Variants in FGFRL1 observed in about 807,000 individuals in gnomAD.
The protein encoded by FGFRL1 is fibroblast growth factor receptor-like 1.
FGFRL1 carries 24 observed loss-of-function variants against 36.8 expected under a neutral mutation model. The ratio of observed to expected loss-of-function variants is 0.65; its 90% CI spans 0.47 to 0.92. The LOEUF is 0.92. Ranked by LOEUF, FGFRL1 falls within the 40% of genes least tolerant of loss-of-function variation. The pLI, the probability that FGFRL1 is intolerant of heterozygous loss-of-function variation, is 0.00. For missense variants in FGFRL1, 785 were observed against 753.4 expected (o/e 1.04, Z -0.49); for synonymous variants, 422 against 344.1 (o/e 1.23, Z -2.50).
At chr4:1,018,917 G>A (rs1488050689) in intron 2 of FGFRL1, among the ~76,000 whole-genome samples, 1 of 152,168 alleles carries the variant, frequency 6.6e-6, no homozygotes, top group Admixed American at 6.5e-5. Flanking sequence ...GCCTGGCGAG[G>A]GGGAGGGAGG....
rs1716473390 is a variant in FGFRL1 at position 1,025,543 on chromosome 4, C to T, written c.*196C>T. The T allele has an allele frequency of 4.4e-6, 3 of 683,042 alleles. No individual in the cohort carries two copies. The highest frequency in any genetic ancestry group is 7.3e-6 in the Non-Finnish European group (3 of 412,060). The allele number at this position is 683,042 out of a possible 1,614,324, so 42.3% of individuals were successfully genotyped here. ...CACACTGCCTGGATGCATGTATGCACACACATGCGCGCACACGTGCTCCCT... is the reference window on the plus strand; with the variant it reads ...CACACTGCCTGGATGCATGTATGCATACACATGCGCGCACACGTGCTCCCT... On this transcript the variant is annotated 3_prime_UTR_variant, in exon 7 of 7. Coordinates refer to ENST00000510644, the MANE Select transcript of FGFRL1 (RefSeq NM_001004356.3).
At chr4:1,012,595 G>A in intron 2 of FGFRL1, 31 bp downstream of exon 2, 2 of 1,106,516 alleles carry the variant, frequency 1.8e-6, no homozygotes, top group Non-Finnish European at 2.5e-6. Context: ...CGGCCAGCCT[G>A]GCCTCCGCCA....
In FGFRL1 at chr4:1,023,534, G is replaced by T. The variant is rs1716310182; in HGVS notation, c.353-107G>T. ...GCGCAGCCCCCTGCCTGGGTGTCCAGGGCTGTCCCGGCTGGGGCTGGGGGA... is the reference window on the plus strand; with the variant it reads ...GCGCAGCCCCCTGCCTGGGTGTCCATGGCTGTCCCGGCTGGGGCTGGGGGA... On this transcript the variant is annotated intron_variant, in intron 3 of 6. Coordinates refer to ENST00000510644, the MANE Select transcript of FGFRL1 (RefSeq NM_001004356.3). This position sits in a 1 kb window ranked among gnomAD's most constrained non-coding sequence, Gnocchi z 6.0. The T allele has an allele frequency of 2.9e-6, 3 of 1,041,100 alleles. No homozygotes were observed. The Admixed American group carries it at 6.1e-5, about 21-fold the overall frequency. 64.5% of individuals were successfully genotyped at this position (1,041,100 alleles called of 1,614,324 possible).
upstream of FGFRL1, among the ~76,000 whole-genome samples, chr4:1,011,474 C>T (rs1489921513): frequency 2.3e-5 from 3 of 133,074 alleles, no homozygotes; most frequent in Admixed American, 7.4e-5. Flanking sequence ...GGGTTAAGGC[C>T]GGGAGCCCGG....
In FGFRL1 at chr4:1,022,406, G is replaced by A. The variant is rs1165301571; in HGVS notation, c.283G>A (p.Gly95Ser). The A allele has an allele frequency of 3.1e-6, 5 of 1,611,768 alleles. No individual in the cohort carries two copies. The highest frequency in any genetic ancestry group is 3.3e-5 in the Admixed American group (2 of 59,944). Residue 95 changes from glycine to serine, a missense_variant, in exon 3 of 7, where the codon GGC (glycine) becomes AGC (serine). Physicochemically the swap from Gly to Ser is moderately conservative, Grantham distance 56. Coordinates refer to ENST00000510644, the MANE Select transcript of FGFRL1 (RefSeq NM_001004356.3). ...KVKQVEREDA[G>S]VYVCKATNGF... ...GAAGCAGGTGGAGCGGGAGGATGCCGGCGTGTACGTGTGCAAGGCCACCAA... is the reference window on the plus strand; with the variant it reads ...GAAGCAGGTGGAGCGGGAGGATGCCAGCGTGTACGTGTGCAAGGCCACCAA...
rs4647931 is a variant in FGFRL1 at position 1,025,103 on chromosome 4, G to A, written c.1271G>A (p.Arg424His). Reference protein sequence around the residue: ...LPGHRPPGTARDRSGDKDLPS... With the variant: ...LPGHRPPGTAHDRSGDKDLPS... ...GGGCACCGCCCGCCGGGGACGGCCC[G>A]CGACCGCAGCGGAGACAAGGACCTT... The change falls in exon 7 of 7, where the codon CGC becomes CAC. Residue 424 changes from arginine (R) to histidine (H), a missense_variant. Physicochemically the swap from Arg to His is conservative, Grantham distance 29. Transcript: ENST00000510644. 4.0e-5 allele frequency: 64 copies of A among 1,610,596 alleles called. No homozygotes were observed. In the Admixed American group the frequency reaches 4.0e-4, roughly 10 times the overall value.
upstream of FGFRL1, chr4:1,010,775 T>C (rs1400316329): frequency 6.6e-6 from 1 of 152,090 alleles, no homozygotes; most frequent in Non-Finnish European, 1.5e-5. Flanking sequence ...GCGAGGCGTG[T>C]GGAGGAAGAG....
In FGFRL1 at chr4:1,012,485, G is replaced by C. The variant is rs759797809; in HGVS notation, c.-1G>C. On this transcript the variant is annotated 5_prime_UTR_variant, in exon 2 of 7. Coordinates refer to ENST00000510644, the MANE Select transcript of FGFRL1 (RefSeq NM_001004356.3). ...ATGTCCCCAGGTCCGGACAGGCCGA[G>C]ATGACGCCGAGCCCCCTGTTGCTGC... 1.3e-6 allele frequency: 2 copies of C among 1,577,166 alleles called. No homozygotes were observed. The highest frequency in any genetic ancestry group is 1.7e-5 in the Admixed American group (1 of 57,388).
In FGFRL1 at chr4:1,023,252, C is replaced by G. The variant is rs991391424; in HGVS notation, c.353-389C>G. 6.6e-6 allele frequency among the ~76,000 whole-genome samples: 1 copy of G among 152,030 alleles called. No individual in the cohort carries two copies. The highest frequency in any genetic ancestry group is 1.9e-4 in the East Asian group (1 of 5,178). ...CTGTCCCCCACCCCCACCCCACAGT[C>G]CTTTCAAAGGGGACGATGACCGGGT... On this transcript the variant is annotated intron_variant, in intron 3 of 6. Transcript: ENST00000510644. The surrounding 1 kb of genome is among the most constrained non-coding windows in gnomAD (Gnocchi z 6.0).
chr4:1,024,682 C>G lies in FGFRL1; in HGVS notation c.1072+18C>G. On this transcript the variant is annotated intron_variant, in intron 6 of 6. Transcript: ENST00000510644. ...GCTGCCAGGTGCGCGGCTGCCACGCCACGCCACACCATGCTGGTGCCCGGA... is the reference window on the plus strand; with the variant it reads ...GCTGCCAGGTGCGCGGCTGCCACGCGACGCCACACCATGCTGGTGCCCGGA... 1 of 1,580,224 alleles carries G rather than the reference C, an allele frequency of 6.3e-7. No individual in the cohort carries two copies. Among genetic ancestry groups the G allele is most frequent in the Non-Finnish European group, 8.6e-7 (1 of 1,161,624 alleles).
In FGFRL1 at chr4:1,022,444, C is replaced by T; in HGVS notation, c.321C>T (p.Ser107=). ...GCAAGGCCACCAACGGCTTCGGCAG[C>T]CTGAGCGTCAACTACACCCTCGTCG... ...YVCKATNGFG[S]LSVNYTLVVL... is the part of the protein sequence containing the mutation. The change falls in exon 3 of 7, where the codon AGC becomes AGT. Residue 107 remains serine, a synonymous_variant. Transcript: ENST00000510644. 1 of 1,608,936 alleles carries T rather than the reference C, an allele frequency of 6.2e-7. No homozygotes were observed. The highest frequency in any genetic ancestry group is 8.5e-7 in the Non-Finnish European group (1 of 1,177,694).
At position 1,022,491 on chromosome 4, in the gene FGFRL1, G is replaced by C. The variant is rs4647934; in HGVS notation, c.352+16G>C. On this transcript the variant is annotated intron_variant, in intron 3 of 6. Transcript: ENST00000510644. ...GTCGTGCTGGGTTAGTCGCTGCTGC[G>C]GTCAGAGGTCATGGGCTGGGTTGGA... is the stretch of plus-strand genomic sequence containing the variant. The C allele has an allele frequency of 1.8e-4, 284 of 1,574,966 alleles. No homozygotes were observed. Among genetic ancestry groups the C allele is most frequent in the Non-Finnish European group, 2.4e-4 (276 of 1,158,318 alleles).
At chr4:1,015,939 G>A (rs953419106) in intron 2 of FGFRL1, among the ~76,000 whole-genome samples, 3 of 152,260 alleles carry the variant, frequency 2.0e-5, no homozygotes, top group Non-Finnish European at 4.4e-5. Context: ...GCACCAGGGT[G>A]CCTGACGCAG....
chr4:1,025,236 T>A lies in FGFRL1; in HGVS notation c.1404T>A (p.Pro468=). 3.1e-6 allele frequency: 5 copies of A among 1,609,022 alleles called. No individual in the cohort carries two copies. The highest frequency in any genetic ancestry group is 4.2e-6 in the Non-Finnish European group (5 of 1,178,288). ...HLLGPGPVAG[P]KLYPKLYTDI... Reference sequence around the variant, plus strand: ...TGGGCCCAGGCCCAGTTGCTGGCCCTAAGTTGTACCCCAAACTCTACACAG... The same window carrying A: ...TGGGCCCAGGCCCAGTTGCTGGCCCAAAGTTGTACCCCAAACTCTACACAG... Residue 468 remains proline, a synonymous_variant, in exon 7 of 7, where the codon CCT becomes CCA. Coordinates refer to ENST00000510644, the MANE Select transcript of FGFRL1 (RefSeq NM_001004356.3).
At position 1,024,355 on chromosome 4, in the gene FGFRL1, A is replaced by G; in HGVS notation, c.763A>G (p.Asn255Asp). 1 of 1,611,790 alleles carries G rather than the reference A, an allele frequency of 6.2e-7. No individual in the cohort carries two copies. The highest frequency in any genetic ancestry group is 2.2e-5 in the East Asian group (1 of 44,842). Reference protein sequence around the residue: ...KPVLTGTHPVNTTVDFGGTTS... With the variant: ...KPVLTGTHPVDTTVDFGGTTS... Reference sequence around the variant, plus strand: ...CGTGCTCACAGGCACGCACCCCGTGAACACGACGGTGGACTTCGGGGGGAC... The same window carrying G: ...CGTGCTCACAGGCACGCACCCCGTGGACACGACGGTGGACTTCGGGGGGAC... Residue 255 changes from asparagine to aspartate, a missense_variant, in exon 6 of 7, where the codon AAC becomes GAC. Asn to Asp is a conservative substitution (Grantham distance 23, BLOSUM62 1). Coordinates refer to ENST00000510644, the MANE Select transcript of FGFRL1 (RefSeq NM_001004356.3).
chr4:1,010,490 C>CCTGGGGACGA (rs1214818877), upstream of FGFRL1, among the ~76,000 whole-genome samples: 2 of 152,254 alleles, frequency 1.3e-5, no homozygotes, highest in Non-Finnish European at 2.9e-5. Flanking sequence ...CTCTCCTCGG[C>CCTGGGGACGA]CTGGGGACAC....
chr4:1,018,512 T>C (rs111632154), intron 2 of FGFRL1, among the ~76,000 whole-genome samples: 3,898 of 152,252 alleles, frequency 0.026, 57 homozygotes, highest in Non-Finnish European at 0.041. Context: ...CTGCCTGTGC[T>C]GGGGGCCTCT....
rs1005500135 is a variant in FGFRL1, at chr4:1,026,818, G to A, written c.*1471G>A. The A allele has an allele frequency of 2.2e-6, 1 of 455,258 alleles. No homozygotes were observed. Among genetic ancestry groups the A allele is most frequent in the Non-Finnish European group, 4.4e-6 (1 of 226,390 alleles). The allele number at this position is 455,258 out of a possible 1,614,324, so 28.2% of individuals were successfully genotyped here. A position where few individuals can be genotyped will look rare whatever the true frequency, so the allele number is the denominator to read the frequency against. ...ACTGTCGTGGTGGCCCCAGATCTCT[G>A]TAATTTTATGTAGAGTTTGAGCTGA... On this transcript the variant is annotated 3_prime_UTR_variant, in exon 7 of 7. Transcript: ENST00000510644.
At position 1,026,746 on chromosome 4, in the gene FGFRL1, A is replaced by G. The variant is rs1486710183; in HGVS notation, c.*1399A>G. The G allele has an allele frequency of 2.3e-6, 1 of 427,404 alleles. No homozygotes were observed. The highest frequency in any genetic ancestry group is 2.6e-5 in the Admixed American group (1 of 37,912). The allele number at this position is 427,404 out of a possible 1,614,324, so 26.5% of individuals were successfully genotyped here. ...CCGGGACCCGCCTGGTCTTTCAGCC[A>G]TGCTGATGACCACACCCCGTCCAGG... On this transcript the variant is annotated 3_prime_UTR_variant, in exon 7 of 7. Coordinates refer to ENST00000510644, the MANE Select transcript of FGFRL1 (RefSeq NM_001004356.3).
Sources: gnomAD v4.1 joint callset for allele counts (sites outside exome capture counted in the v4.1 genomes callset) on GRCh38, gnomAD v4.1.1 for gene constraint, Gnocchi (gnomAD v3.1) non-coding constraint, MANE v1.5 for transcripts, NCBI Gene and HGNC (gene_info 2026-07-23, HGNC 2026-07-21) for gene names.